Variants in ZNF540 observed in about 807,000 individuals in gnomAD.
ZNF540 encodes the protein zinc finger protein 540, also known as CTD-3064H18.6.
Under a neutral mutation model 11.8 loss-of-function variants are expected in ZNF540, and 3 were observed. That is an observed-to-expected ratio of 0.25 (90% CI 0.12 to 0.65). The LOEUF (loss-of-function observed/expected upper bound fraction) is 0.65. Among genes scored for constraint, ZNF540 ranks in the 30% least tolerant of loss-of-function variants. The pLI, the probability that ZNF540 is intolerant of heterozygous loss-of-function variation, is 0.83. For synonymous variants in ZNF540, 247 were observed against 259.0 expected (o/e 0.95, Z 0.45); for missense variants, 709 against 793.1 (o/e 0.89, Z 1.27).
intron 1 of ZNF540, among the ~76,000 whole-genome samples, chr19:37,581,790 A>G (rs557059928): frequency 1.4e-4 from 12 of 84,214 alleles, no homozygotes; most frequent in African/African-American, 3.3e-4. Context: ...TTCTCCTGTG[A>G]AAAAAAAACA....
At chr19:37,573,292 G>A (rs1016196075) in intron 1 of ZNF540, among the ~76,000 whole-genome samples, 5 of 151,910 alleles carry the variant, frequency 3.3e-5, no homozygotes, top group African/African-American at 1.2e-4. Context: ...TATTATTAAC[G>A]GCATGATTGT....
chr19:37,601,311 C>G (rs1260590634), intron 4 of ZNF540, among the ~76,000 whole-genome samples: 1 of 152,204 alleles, frequency 6.6e-6, no homozygotes, highest in African/African-American at 2.4e-5. Context: ...CTACTTACCA[C>G]CTGTCTTTGT....
At chr19:37,563,748 T>G (rs1230402894) in intron 1 of ZNF540, 2 of 149,824 alleles carry the variant, frequency 1.3e-5, no homozygotes, top group Non-Finnish European at 3.0e-5. Context: ...TATACACATG[T>G]GGAATATATT....
intron 1 of ZNF540, among the ~76,000 whole-genome samples, chr19:37,561,609 A>C (rs2042718285): frequency 6.6e-6 from 1 of 152,216 alleles, no homozygotes; most frequent in East Asian, 1.9e-4. Context: ...CAATGCCAGT[A>C]AGGAAATTTG....
At chr19:37,570,349 A>G (rs757732026) in intron 1 of ZNF540, among the ~76,000 whole-genome samples, 5 of 151,972 alleles carry the variant, frequency 3.3e-5, no homozygotes, top group Admixed American at 6.6e-5. Flanking sequence ...GATCCTTTTG[A>G]AACTTTGAGC....
At chr19:37,598,324 C>T in intron 1 of ZNF540, 52 bp from the exon 2 acceptor site, 2 of 894,870 alleles carry the variant, frequency 2.2e-6, no homozygotes, top group Middle Eastern at 2.2e-4. Context: ...CATATTGTTA[C>T]CTCTGAGGCA....
intron 1 of ZNF540, chr19:37,586,756 A>G: frequency 6.7e-7 from 1 of 1,484,758 alleles, no homozygotes; most frequent in Non-Finnish European, 9.3e-7. Context: ...CTGGACAAGG[A>G]AAAGAAGCCA....
At chr19:37,556,578 G>A (rs970522938) in intron 1 of ZNF540, among the ~76,000 whole-genome samples, 5 of 152,216 alleles carry the variant, frequency 3.3e-5, no homozygotes, top group Non-Finnish European at 1.5e-5. Context: ...TGGCTGGAAC[G>A]AATGGCAGGA....
chr19:37,578,927 G>T (rs1256046644), intron 1 of ZNF540, among the ~76,000 whole-genome samples: 1 of 152,160 alleles, frequency 6.6e-6, no homozygotes, highest in Non-Finnish European at 1.5e-5. Flanking sequence ...AAACAGTGAA[G>T]TTCGGCATTG....
chr19:37,609,763 G>A (rs1275633855), intron 4 of ZNF540, among the ~76,000 whole-genome samples: 2 of 149,668 alleles, frequency 1.3e-5, no homozygotes, highest in Admixed American at 6.6e-5. Flanking sequence ...CAGGAGAATC[G>A]CTTGAACCTG....
At chr19:37,553,513 A>T (rs2042630066) in intron 1 of ZNF540, among the ~76,000 whole-genome samples, 1 of 152,110 alleles carries the variant, frequency 6.6e-6, no homozygotes. Context: ...TGTAACAATC[A>T]TCTTGCTCTT....
intron 4 of ZNF540, among the ~76,000 whole-genome samples, chr19:37,607,670 G>A (rs1203181826): frequency 6.6e-6 from 1 of 152,014 alleles, no homozygotes; most frequent in African/African-American, 2.4e-5. Context: ...CTGAATAATA[G>A]TCCATTCTCT....
chr19:37,573,135 C>CTT (rs138972594), intron 1 of ZNF540, among the ~76,000 whole-genome samples: 180 of 150,372 alleles, frequency 1.2e-3, no homozygotes, highest in South Asian at 1.0e-3. Context: ...TCTTCCAACT[C>CTT]TTTTTTTTTT....
At chr19:37,582,035 C>T (rs1199773097) in intron 1 of ZNF540, among the ~76,000 whole-genome samples, 1 of 152,076 alleles carries the variant, frequency 6.6e-6, no homozygotes, top group East Asian at 1.9e-4. Context: ...TCTAATCACA[C>T]TTCTTTCCCC....
chr19:37,560,023 T>C (rs915837520), intron 1 of ZNF540, among the ~76,000 whole-genome samples: 2 of 152,174 alleles, frequency 1.3e-5, no homozygotes, highest in Non-Finnish European at 2.9e-5. Context: ...ACACCTGTAA[T>C]CCCAGCACTT....
chr19:37,563,031 AAAAAT>A (rs2042735615), intron 1 of ZNF540: 1 of 152,180 alleles, frequency 6.6e-6, no homozygotes, highest in Non-Finnish European at 1.5e-5. Flanking sequence ...AATACAAACC[AAAAAT>A]AAAATAATGG....
chr19:37,595,316 G>A (rs1480240250), intron 1 of ZNF540: 4 of 152,284 alleles, frequency 2.6e-5, no homozygotes. Flanking sequence ...TTATGCTTGA[G>A]GCTATTAGTG....
rs148465799 is a variant in ZNF540 at position 37,611,894 on chromosome 19, A to G, written c.614A>G (p.His205Arg). ...AATAATGTCTATCAGCTTACTCTCCATCAGAAAATTCATACTGGTGAAAAA... is the reference window on the plus strand; with the variant it reads ...AATAATGTCTATCAGCTTACTCTCCGTCAGAAAATTCATACTGGTGAAAAA... ...TFNNVYQLTLHQKIHTGEKSC... is the reference protein window; with the variant it reads ...TFNNVYQLTLRQKIHTGEKSC... Residue 205 changes from histidine to arginine, a missense_variant, in exon 5 of 5, where the codon CAT (histidine) becomes CGT (arginine). His to Arg is a conservative substitution (Grantham distance 29). Coordinates refer to ENST00000316433, the MANE Select transcript of ZNF540 (RefSeq NM_001172225.3). 687 of 1,613,762 alleles carry G rather than the reference A, an allele frequency of 4.3e-4. 2 individuals carry two copies. Among genetic ancestry groups the G allele is most frequent in the Non-Finnish European group, 5.6e-4 (660 of 1,179,976 alleles).
At chr19:37,572,801 C>G (rs1240953080) in intron 1 of ZNF540, among the ~76,000 whole-genome samples, 1 of 152,000 alleles carries the variant, frequency 6.6e-6, no homozygotes, top group Non-Finnish European at 1.5e-5. Context: ...TTTTACTTAC[C>G]AACTTATTTT....
Sources: allele counts gnomAD v4.1 joint callset (sites outside exome capture counted in the v4.1 genomes callset), GRCh38; gene constraint gnomAD v4.1.1; transcripts MANE v1.5; gene names NCBI Gene and HGNC (gene_info 2026-07-23, HGNC 2026-07-21).